The following L3MBTL4 variants were observed in gnomAD, a reference collection of about 807,000 sequenced individuals.
The protein encoded by L3MBTL4 is lethal(3)malignant brain tumor-like protein 4.
A neutral mutation model predicts 84.5 loss-of-function variants in L3MBTL4; 70 were observed. The ratio of observed to expected loss-of-function variants is 0.83; its 90% CI spans 0.68 to 1.01. L3MBTL4 has a LOEUF of 1.01. L3MBTL4 is among the 50% of genes least tolerant of loss of function. The pLI, the probability that L3MBTL4 is intolerant of heterozygous loss-of-function variation, is 0.00. For synonymous variants in L3MBTL4, 274 were observed against 259.8 expected, an observed-to-expected ratio of 1.05 and a Z score of -0.52; for missense variants, 715 against 754.8, an observed-to-expected ratio of 0.95 and a Z score of 0.62.
intron 1 of L3MBTL4, among the ~76,000 whole-genome samples, chr18:6,378,126 G>C (rs748529551): frequency 6.6e-6 from 1 of 152,204 alleles, no homozygotes; most frequent in Admixed American, 6.5e-5. Context: ...CTTTTGAGAA[G>C]TGTCTGTTCA....
chr18:6,265,025 G>A (rs911832831), intron 4 of L3MBTL4, among the ~76,000 whole-genome samples: 3 of 152,182 alleles, frequency 2.0e-5, no homozygotes, highest in Admixed American at 2.0e-4. Flanking sequence ...ACTGTCTAAA[G>A]GCAGAGAAGG....
intron 16 of L3MBTL4, chr18:6,030,266 A>C (rs950872182): frequency 1.0e-6 from 1 of 982,174 alleles, no homozygotes; most frequent in Non-Finnish European, 1.2e-6. Context: ...ACCCCCTTAT[A>C]CCTGTTGAAT....
chr18:6,284,612 G>T (rs1033881262), intron 4 of L3MBTL4, among the ~76,000 whole-genome samples: 1 of 152,216 alleles, frequency 6.6e-6, no homozygotes, highest in African/African-American at 2.4e-5. Context: ...CCAAGCCCCC[G>T]GTCGCTTTTC....
intron 14 of L3MBTL4, among the ~76,000 whole-genome samples, chr18:6,108,384 A>T (rs1288763524): frequency 6.6e-6 from 1 of 152,196 alleles, no homozygotes; most frequent in Non-Finnish European, 1.5e-5. Context: ...ATAAAAAAAC[A>T]GTTACAATAG....
chr18:6,186,215 T>A (rs1296029400), intron 12 of L3MBTL4, among the ~76,000 whole-genome samples: 1 of 151,832 alleles, frequency 6.6e-6, no homozygotes, highest in African/African-American at 2.4e-5. Flanking sequence ...AGTAGATTTT[T>A]GTATTTAGTA....
intron 14 of L3MBTL4, among the ~76,000 whole-genome samples, chr18:6,117,062 C>T (rs1000308864): frequency 3.3e-5 from 5 of 152,198 alleles, no homozygotes; most frequent in Admixed American, 2.0e-4. Context: ...GTGAGATCCA[C>T]GCATATTGTT....
chr18:6,355,281 A>G (rs1401726520), intron 1 of L3MBTL4, among the ~76,000 whole-genome samples: 2 of 152,228 alleles, frequency 1.3e-5, no homozygotes, highest in Non-Finnish European at 2.9e-5. Context: ...CTGTATCAAA[A>G]CATCTCATGT....
chr18:6,284,870 C>A (rs1014201312), intron 4 of L3MBTL4, among the ~76,000 whole-genome samples: 1 of 152,228 alleles, frequency 6.6e-6, no homozygotes, highest in South Asian at 2.1e-4. Context: ...ACAGGGGCCG[C>A]CCAGCGTGGG....
chr18:5,976,442 T>G (rs2052936318), intron 16 of L3MBTL4, among the ~76,000 whole-genome samples: 1 of 152,192 alleles, frequency 6.6e-6, no homozygotes, highest in Non-Finnish European at 1.5e-5. Flanking sequence ...ATGGCCTCTC[T>G]CCAGACCCAC....
chr18:6,032,443 G>C (rs1475936731), intron 16 of L3MBTL4, among the ~76,000 whole-genome samples: 8 of 151,592 alleles, frequency 5.3e-5, no homozygotes, highest in Non-Finnish European at 7.4e-5. Context: ...TACAGGTCGA[G>C]GGGGGCAGAA....
chr18:6,267,479 C>A (rs894435633), intron 4 of L3MBTL4, among the ~76,000 whole-genome samples: 2 of 152,218 alleles, frequency 1.3e-5, no homozygotes, highest in Non-Finnish European at 2.9e-5. Flanking sequence ...ATCTGACAAA[C>A]CCTGAAGATG....
intron 17 of L3MBTL4, among the ~76,000 whole-genome samples, chr18:5,963,038 TTCATAGTG>T (rs1221401366): frequency 6.6e-6 from 1 of 152,180 alleles, no homozygotes; most frequent in African/African-American, 2.4e-5. Flanking sequence ...GGCTCACTTT[TTCATAGTG>T]TCATAGGAGG....
intron 14 of L3MBTL4, among the ~76,000 whole-genome samples, chr18:6,096,391 C>A (rs191110280): frequency 6.6e-6 from 1 of 152,172 alleles, no homozygotes; most frequent in South Asian, 2.1e-4. Context: ...TAGAATGGAA[C>A]AATTCCTGAT....
intron 1 of L3MBTL4, among the ~76,000 whole-genome samples, chr18:6,319,402 A>G: frequency 6.6e-6 from 1 of 152,180 alleles, no homozygotes; most frequent in South Asian, 2.1e-4. Flanking sequence ...AAAATAAAAT[A>G]CAATAAAAAG....
chr18:6,317,493 T>C lies in L3MBTL4; in HGVS notation c.-90-5437A>G, dbSNP rs190079015. ...AACTTTAACAACAGACCTGATCAAG[T>C]AGAAGAAAAAATTTCAGAGCTCGAA... On this transcript the variant is annotated intron_variant, in intron 1 of 18. Transcript: ENST00000317931. Among the ~76,000 whole-genome samples, 589 of 151,972 alleles carry C rather than the reference T, an allele frequency of 3.9e-3. 8 individuals carry two copies. The highest frequency in any genetic ancestry group is 0.013 in the African/African-American group (544 of 41,464).
chr18:6,028,146 C>T (rs187047324), intron 16 of L3MBTL4, among the ~76,000 whole-genome samples: 2,200 of 152,254 alleles, frequency 0.014, 50 homozygotes, highest in African/African-American at 0.05. Context: ...CCCAGGTTTT[C>T]TTCTAGGGTT....
intron 1 of L3MBTL4, among the ~76,000 whole-genome samples, chr18:6,315,238 T>C (rs906981884): frequency 2.0e-5 from 3 of 152,238 alleles, no homozygotes; most frequent in Non-Finnish European, 2.9e-5. Context: ...TTCTGATCAC[T>C]GAACTGATTT....
intron 16 of L3MBTL4, among the ~76,000 whole-genome samples, chr18:6,002,309 A>G (rs2054249928): frequency 6.6e-6 from 1 of 152,218 alleles, no homozygotes; most frequent in African/African-American, 2.4e-5. Context: ...GGAGTCCTTC[A>G]AGTTGAAATG....
At chr18:6,395,408 C>A (rs1008210888) in intron 1 of L3MBTL4, 2 of 152,104 alleles carry the variant, frequency 1.3e-5, no homozygotes, top group Non-Finnish European at 2.9e-5. Flanking sequence ...CTTCTCCTGG[C>A]AAAAGTGGCC....
Sources: allele counts gnomAD v4.1 joint callset (sites outside exome capture counted in the v4.1 genomes callset), GRCh38; gene constraint gnomAD v4.1.1; transcripts MANE v1.5; gene names NCBI Gene and HGNC (gene_info 2026-07-23, HGNC 2026-07-21).